Variants in IQCJ observed in about 807,000 individuals in gnomAD.
IQCJ encodes the protein IQ domain-containing protein J.
In IQCJ, 9 loss-of-function variants were observed where a neutral mutation model predicts 11.0. The observed-to-expected ratio is 0.82, with a 90% CI of 0.49 to 1.43. IQCJ has a LOEUF of 1.43. IQCJ is among the 40% of genes most tolerant of loss of function. The pLI is 0.00. For synonymous variants in IQCJ, 55 were observed against 51.3 expected (o/e 1.07, Z -0.31); for missense variants, 146 against 133.2 (o/e 1.10, Z -0.47).
intron 1 of IQCJ, among the ~76,000 whole-genome samples, chr3:159,095,299 T>G (rs1206589286): frequency 1.3e-5 from 2 of 151,844 alleles, no homozygotes; most frequent in Non-Finnish European, 2.9e-5. Context: ...GTATGCTTGA[T>G]AGAGGAGCTG....
chr3:159,252,513 G>C (rs1727660088), intron 2 of IQCJ, among the ~76,000 whole-genome samples: 1 of 152,034 alleles, frequency 6.6e-6, no homozygotes, highest in Admixed American at 6.6e-5. Flanking sequence ...GTTGAGAACA[G>C]CAAAAGGACA....
At chr3:159,248,902 G>T (rs967088912) in intron 2 of IQCJ, among the ~76,000 whole-genome samples, 1 of 151,672 alleles carries the variant, frequency 6.6e-6, no homozygotes, top group African/African-American at 2.4e-5. Context: ...TGTCACCCAG[G>T]CTGGAATGCA....
At chr3:159,200,030 C>A (rs951933859) in intron 1 of IQCJ, among the ~76,000 whole-genome samples, 1 of 119,812 alleles carries the variant, frequency 8.3e-6, no homozygotes, top group African/African-American at 3.3e-5. Flanking sequence ...GAGTAAACGA[C>A]TATATATATA....
intron 1 of IQCJ, among the ~76,000 whole-genome samples, chr3:159,087,541 C>G (rs1400374706): frequency 1.3e-5 from 2 of 151,922 alleles, no homozygotes; most frequent in African/African-American, 2.4e-5. Flanking sequence ...GTGAATCCAT[C>G]TGGTCCTGGA....
intron 1 of IQCJ, among the ~76,000 whole-genome samples, chr3:159,231,676 A>G (rs1478091702): frequency 9.2e-5 from 14 of 151,810 alleles, no homozygotes; most frequent in African/African-American, 3.4e-4. Context: ...ACTCTTTTCT[A>G]TTTGTTTGGA....
Position 159,262,915 on chromosome 3 carries a change from T to C in IQCJ, c.*184T>C, listed in dbSNP as rs1728301019. 7.3e-7 allele frequency: 1 copy of C among 1,370,662 alleles called. No individual in the cohort carries two copies. Among genetic ancestry groups the C allele is most frequent in the Non-Finnish European group, 9.4e-7 (1 of 1,062,192 alleles). 84.9% of individuals were successfully genotyped at this position (1,370,662 alleles called of 1,614,324 possible). ...TCAAGTCTGGAGAAAATAGATTGCA[T>C]TTATGTGTTCTCATTTCTCTATTAT... is the stretch of plus-strand genomic sequence containing the variant. On this transcript the variant is annotated 3_prime_UTR_variant, in exon 4 of 4. Transcript: ENST00000397832.
At chr3:159,140,880 G>T (rs763585014) in intron 1 of IQCJ, among the ~76,000 whole-genome samples, 18 of 152,192 alleles carry the variant, frequency 1.2e-4, no homozygotes, top group Admixed American at 1.2e-3. Context: ...CAGTGGGTTT[G>T]TGCCAGAACT....
intron 1 of IQCJ, among the ~76,000 whole-genome samples, chr3:159,089,335 T>G (rs141867856): frequency 0.026 from 3,963 of 152,288 alleles, 79 homozygotes; most frequent in Non-Finnish European, 0.043. Context: ...TGACCTTTCT[T>G]TCTGGCTGCC....
intron 1 of IQCJ, among the ~76,000 whole-genome samples, chr3:159,228,677 GC>G (rs2108140874): frequency 6.6e-6 from 1 of 152,078 alleles, no homozygotes; most frequent in African/African-American, 2.4e-5. Flanking sequence ...TGTAGTCCCA[GC>G]TACTTGGGAG....
intron 1 of IQCJ, among the ~76,000 whole-genome samples, chr3:159,155,402 C>A (rs1403356849): frequency 6.6e-6 from 1 of 152,228 alleles, no homozygotes; most frequent in Non-Finnish European, 1.5e-5. Context: ...AAGTAATCCA[C>A]TTGCCTCAGC....
intron 1 of IQCJ, among the ~76,000 whole-genome samples, chr3:159,236,848 T>C (rs1324970268): frequency 1.3e-5 from 2 of 152,198 alleles, no homozygotes; most frequent in Non-Finnish European, 2.9e-5. Flanking sequence ...TACACTTCCA[T>C]TAAAAAACGG....
chr3:159,177,125 TC>T (rs1481278799), intron 1 of IQCJ, among the ~76,000 whole-genome samples: 1 of 152,208 alleles, frequency 6.6e-6, no homozygotes, highest in Non-Finnish European at 1.5e-5. Flanking sequence ...AAAATCCACA[TC>T]CAAGTTTCTT....
intron 1 of IQCJ, among the ~76,000 whole-genome samples, chr3:159,237,555 A>C (rs931527331): frequency 3.9e-5 from 6 of 152,252 alleles, no homozygotes; most frequent in Non-Finnish European, 8.8e-5. Flanking sequence ...ATTTTTCACC[A>C]TAACAGTATA....
chr3:159,205,786 G>T (rs971285936), intron 1 of IQCJ, among the ~76,000 whole-genome samples: 13 of 152,218 alleles, frequency 8.5e-5, no homozygotes, highest in African/African-American at 3.1e-4. Flanking sequence ...AGGATGACAT[G>T]TTTCTCTGTG....
At chr3:159,147,203 T>C (rs1467502165) in intron 1 of IQCJ, among the ~76,000 whole-genome samples, 8 of 152,230 alleles carry the variant, frequency 5.3e-5, no homozygotes, top group African/African-American at 9.6e-5. Context: ...GATGGGAGAA[T>C]AGACAGAAGC....
chr3:159,199,628 T>C (rs1204359411), intron 1 of IQCJ, among the ~76,000 whole-genome samples: 1 of 152,134 alleles, frequency 6.6e-6, no homozygotes, highest in Non-Finnish European at 1.5e-5. Context: ...GTCTCTATCT[T>C]GATTAGATGG....
At chr3:159,088,986 C>T (rs1717022114) in intron 1 of IQCJ, among the ~76,000 whole-genome samples, 1 of 151,736 alleles carries the variant, frequency 6.6e-6, no homozygotes, top group Non-Finnish European at 1.5e-5. Flanking sequence ...TTATTTTGCT[C>T]ATTAGTTGAT....
At chr3:159,071,244 T>C (rs1173481207) in intron 1 of IQCJ, among the ~76,000 whole-genome samples, 12 of 151,970 alleles carry the variant, frequency 7.9e-5, no homozygotes. Flanking sequence ...TATGTAGAAA[T>C]GGCCCCTTAA....
intron 1 of IQCJ, among the ~76,000 whole-genome samples, chr3:159,112,609 A>C (rs752705545): frequency 7.9e-5 from 12 of 152,140 alleles, no homozygotes; most frequent in Non-Finnish European, 1.2e-4. Flanking sequence ...TGAGGCCATT[A>C]GTTCTCTTGG....
Sources: allele counts gnomAD v4.1 joint callset (sites outside exome capture counted in the v4.1 genomes callset), GRCh38; gene constraint gnomAD v4.1.1; transcripts MANE v1.5; gene names NCBI Gene and HGNC (gene_info 2026-07-23, HGNC 2026-07-21).